The following MGA variants were observed in gnomAD, a reference collection of about 807,000 sequenced individuals.
The protein encoded by MGA is MAX dimerization protein MGA.
A neutral mutation model predicts 261.1 loss-of-function variants in MGA; 40 were observed. The observed-to-expected ratio is 0.15, with a 90% CI of 0.12 to 0.20. The LOEUF (loss-of-function observed/expected upper bound fraction) is 0.20, where lower values mean the gene tolerates loss of function less well. Among genes scored for constraint, MGA ranks in the 10% least tolerant of loss-of-function variants. MGA has a pLI of 1.00. For synonymous variants in MGA, 1,302 were observed against 1,290.6 expected (o/e 1.01, Z -0.19); for missense variants, 3,397 against 3,630.5 (o/e 0.94, Z 1.65).
chr15:41,763,245 G>A (rs944958242), intron 22 of MGA, among the ~76,000 whole-genome samples: 2 of 150,508 alleles, frequency 1.3e-5, no homozygotes, highest in Non-Finnish European at 3.0e-5. Context: ...GACTATAGGC[G>A]CCTGCCACTA....
chr15:41,762,273 C>G lies in MGA; in HGVS notation c.7655C>G (p.Ser2552Cys), dbSNP rs769432234. ...ATTAGCAAACAGCAGGAAGGATCTTCTGCATCATCTGTAGATCTTGGACAG... is the reference window on the plus strand; with the variant it reads ...ATTAGCAAACAGCAGGAAGGATCTTGTGCATCATCTGTAGATCTTGGACAG... Residue 2552 changes from serine to cysteine, a missense_variant, in exon 22 of 24, where the codon TCT becomes TGT. Ser to Cys is a moderately radical substitution (Grantham distance 112, BLOSUM62 -1). Around this residue, in one of 9 missense-constraint regions of MGA, gnomAD observed 647 missense variants for 642.4 expected, o/e 1.01. Transcript: ENST00000219905. The G allele has an allele frequency of 1.2e-6, 2 of 1,613,744 alleles. No individual in the cohort carries two copies. The highest frequency in any genetic ancestry group is 4.5e-5 in the East Asian group (2 of 44,878).
In MGA at chr15:41,736,454, T is replaced by C. The variant is rs1417155367; in HGVS notation, c.4190T>C (p.Ile1397Thr). 2 of 1,613,786 alleles carry C rather than the reference T, an allele frequency of 1.2e-6. No individual in the cohort carries two copies. ...CCTGTTTATTCTTCTCGTGTGAAAA[T>C]CTCTATGCCATCATGTCAAGACCAA... is the stretch of plus-strand genomic sequence containing the variant. Residue 1397 changes from isoleucine to threonine, a missense_variant, in exon 13 of 24, where the codon ATC becomes ACC. Ile to Thr is a moderately conservative substitution (Grantham distance 89, BLOSUM62 -1). Coordinates refer to ENST00000219905, the MANE Select transcript of MGA (RefSeq NM_001164273.2).
At position 41,669,233 on chromosome 15, in the gene MGA, A is replaced by T. The variant is rs971958962; in HGVS notation, c.339A>T (p.Thr113=). 6 of 1,614,040 alleles carry T rather than the reference A, an allele frequency of 3.7e-6. No homozygotes were observed. Among genetic ancestry groups the T allele is most frequent in the Middle Eastern group, 1.6e-4 (1 of 6,062 alleles). Residue 113 remains threonine, a synonymous_variant, in exon 2 of 24, where the codon ACA becomes ACT. Coordinates refer to ENST00000219905, the MANE Select transcript of MGA (RefSeq NM_001164273.2). ...TTCCTTACTGTCGTTATTGGATAAC[A>T]GGTTTAGATTCAAATTTGAAGTATA...
At chr15:41,659,200 A>T (rs1286827614), upstream of MGA, among the ~76,000 whole-genome samples, 2 of 152,230 alleles carry the variant, frequency 1.3e-5, no homozygotes, top group African/African-American at 2.4e-5. Context: ...AGTTCAGACT[A>T]TTCCAGCAGT....
chr15:41,685,953 C>T (rs958430252), intron 2 of MGA, among the ~76,000 whole-genome samples: 1 of 150,030 alleles, frequency 6.7e-6, no homozygotes, highest in Non-Finnish European at 1.5e-5. Flanking sequence ...TGCAGGGAGC[C>T]GAGATCGTGC....
intron 14 of MGA, among the ~76,000 whole-genome samples, chr15:41,742,280 C>G (rs796619897): frequency 5.3e-5 from 8 of 151,774 alleles, no homozygotes; most frequent in African/African-American, 1.9e-4. Context: ...CCCAGCTACT[C>G]GGGAAGGCTG....
intron 9 of MGA, among the ~76,000 whole-genome samples, chr15:41,726,933 CTGT>C (rs1326642449): frequency 2.0e-5 from 3 of 152,068 alleles, no homozygotes; most frequent in African/African-American, 7.2e-5. Flanking sequence ...TTATTCATAG[CTGT>C]GTTCATTCTA....
chr15:41,728,723 A>G (rs945173162), intron 10 of MGA, among the ~76,000 whole-genome samples: 2 of 152,254 alleles, frequency 1.3e-5, no homozygotes, highest in Non-Finnish European at 2.9e-5. Flanking sequence ...GGACCCACAC[A>G]GTTCAAACCT....
chr15:41,767,058 A>C lies in MGA; in HGVS notation c.8976A>C (p.Leu2992=). ...GGCCTATGCCAAAGTTGGCCCCTCT[A>C]GGTTTAAAAGTAGCTAATCCTTCCA... The change falls in exon 24 of 24, where the codon CTA becomes CTC. Residue 2992 remains leucine, a synonymous_variant. Transcript: ENST00000219905. The C allele has an allele frequency of 6.2e-7, 1 of 1,614,004 alleles. No individual in the cohort carries two copies. Among genetic ancestry groups the C allele is most frequent in the Non-Finnish European group, 8.5e-7 (1 of 1,179,898 alleles).
rs1280169776 is a variant in MGA, at chr15:41,761,750, A to G, written c.7410A>G (p.Glu2470=). 4 of 1,589,026 alleles carry G rather than the reference A, an allele frequency of 2.5e-6. No individual in the cohort carries two copies. In the African/African-American group the frequency reaches 5.4e-5, roughly 21 times the overall value. Residue 2470 remains glutamate (E), a synonymous_variant, in exon 21 of 24, where the codon GAA becomes GAG. Transcript: ENST00000219905. Reference sequence around the variant, plus strand: ...TATTTGTATTCTAGGCCTTCAGTGAAATTCAGGGACTAACAGATCAGGCAG... The same window carrying G: ...TATTTGTATTCTAGGCCTTCAGTGAGATTCAGGGACTAACAGATCAGGCAG...
At position 41,729,139 on chromosome 15, in the gene MGA, A is replaced by G. The variant is rs77157487; in HGVS notation, c.3658-25A>G. The G allele has an allele frequency of 7.3e-4, 1,175 of 1,606,702 alleles. 18 individuals carry two copies. The East Asian group carries it at 0.024, about 32-fold the overall frequency. On this transcript the variant is annotated intron_variant, in intron 10 of 23. Coordinates refer to ENST00000219905, the MANE Select transcript of MGA (RefSeq NM_001164273.2). ...AGCGGAGTTTTTCCCACTGTATGGA[A>G]TATTTTGTTGTATGAAATTTACAGA... is the stretch of plus-strand genomic sequence containing the variant.
intron 2 of MGA, among the ~76,000 whole-genome samples, chr15:41,675,536 G>A (rs1200333280): frequency 6.6e-6 from 1 of 151,982 alleles, no homozygotes; most frequent in East Asian, 1.9e-4. Context: ...ACCACGCCCA[G>A]TTAATTTTTA....
chr15:41,679,282 G>T (rs28810086), intron 2 of MGA, among the ~76,000 whole-genome samples: 1 of 151,876 alleles, frequency 6.6e-6, no homozygotes, highest in Non-Finnish European at 1.5e-5. Context: ...TGATCCGCCC[G>T]CCTTGGCCTC....
chr15:41,631,601 T>C (rs531211751), intron 1 of MGA, among the ~76,000 whole-genome samples: 1 of 152,340 alleles, frequency 6.6e-6, no homozygotes, highest in South Asian at 2.1e-4. Flanking sequence ...ACACTTTCTT[T>C]TTTTTGCTAT....
intron 2 of MGA, among the ~76,000 whole-genome samples, chr15:41,686,078 A>G (rs920339050): frequency 3.3e-5 from 5 of 151,976 alleles, no homozygotes; most frequent in South Asian, 2.1e-4. Context: ...GAGTTTTACT[A>G]ATTTATAGAG....
At chr15:41,726,648 G>GA (rs2061264981) in intron 9 of MGA, among the ~76,000 whole-genome samples, 2 of 151,404 alleles carry the variant, frequency 1.3e-5, no homozygotes, top group East Asian at 3.9e-4. Context: ...AGAATCTCCT[G>GA]AACATGGGAG....
At chr15:41,645,127 C>G (rs1046097150) in intron 1 of MGA, among the ~76,000 whole-genome samples, 1 of 152,150 alleles carries the variant, frequency 6.6e-6, no homozygotes, top group Admixed American at 6.6e-5. Context: ...GTTCCTTAGC[C>G]TTAAAATCAG....
rs750136775 is a variant in MGA at position 41,707,712 on chromosome 15, T to C, written c.2189-16T>C. The C allele has an allele frequency of 6.3e-7, 1 of 1,589,110 alleles. No individual in the cohort carries two copies. Among genetic ancestry groups the C allele is most frequent in the African/African-American group, 1.4e-5 (1 of 73,692 alleles). Reference sequence around the variant, plus strand: ...CTGATTAATCTATGGAAATATGATTTCCTTTTTTCTTTTAGTGGGCTTAAA... The same window carrying C: ...CTGATTAATCTATGGAAATATGATTCCCTTTTTTCTTTTAGTGGGCTTAAA... On this transcript the variant is annotated splice_polypyrimidine_tract_variant and intron_variant, in intron 5 of 23. Coordinates refer to ENST00000219905, the MANE Select transcript of MGA (RefSeq NM_001164273.2).
intron 5 of MGA, among the ~76,000 whole-genome samples, chr15:41,701,940 A>G (rs116006940): frequency 0.013 from 1,994 of 152,078 alleles, 40 homozygotes; most frequent in African/African-American, 0.046. Context: ...TTACTTTTCA[A>G]TGTGTGAAGT....
Sources: gnomAD v4.1 joint callset for allele counts (sites outside exome capture counted in the v4.1 genomes callset) on GRCh38, gnomAD v4.1.1 for gene constraint, gnomAD v4.1.1 regional missense constraint, MANE v1.5 for transcripts, NCBI Gene and HGNC (gene_info 2026-07-23, HGNC 2026-07-21) for gene names.